LARGE1: variants seen among roughly 807,000 people sequenced by gnomAD.
LARGE1 encodes LARGE xylosyl- and glucuronyltransferase 1, also known as xylosyl- and glucuronyltransferase LARGE1.
In LARGE1, 43 loss-of-function variants were observed where a neutral mutation model predicts 87.6. The observed-to-expected ratio is 0.49, with a 90% CI of 0.38 to 0.63. The LOEUF is 0.63. Among genes scored for constraint, LARGE1 ranks in the 30% least tolerant of loss-of-function variants. LARGE1 has a pLI of 0.00. For synonymous variants in LARGE1, 434 were observed against 394.6 expected (o/e 1.10, Z -1.18); for missense variants, 802 against 1,000.2 (o/e 0.80, Z 2.67).
chr22:33,848,039 C>G (rs372903333), intron 1 of LARGE1, among the ~76,000 whole-genome samples: 26 of 152,322 alleles, frequency 1.7e-4, no homozygotes, highest in African/African-American at 6.3e-4. Flanking sequence ...CATTTTGCTT[C>G]ATGACTAGGA....
At chr22:33,224,068 C>T (rs1168043630) in intron 11 of LARGE1, among the ~76,000 whole-genome samples, 1 of 152,110 alleles carries the variant, frequency 6.6e-6, no homozygotes, top group Admixed American at 6.5e-5. Context: ...CCGAGACTGG[C>T]AGATCAGGAG....
intron 11 of LARGE1, among the ~76,000 whole-genome samples, chr22:33,218,579 C>G (rs922537557): frequency 6.6e-6 from 1 of 152,112 alleles, no homozygotes; most frequent in Non-Finnish European, 1.5e-5. Context: ...CTGTACATGC[C>G]ATGATCTCCT....
intron 7 of LARGE1, among the ~76,000 whole-genome samples, chr22:33,392,661 AAAC>A (rs201121286): frequency 1.1e-4 from 17 of 152,078 alleles, no homozygotes; most frequent in South Asian, 4.2e-4. Flanking sequence ...TCTGTCTTAA[AAAC>A]AACAACAACA....
At chr22:33,421,202 A>C (rs1163640071) in intron 7 of LARGE1, among the ~76,000 whole-genome samples, 8 of 128,204 alleles carry the variant, frequency 6.2e-5, no homozygotes, top group Admixed American at 6.0e-4. Context: ...AAAATAAAAA[A>C]TAAAATAAAA....
At chr22:33,750,339 G>A (rs1904963922) in intron 2 of LARGE1, among the ~76,000 whole-genome samples, 1 of 151,982 alleles carries the variant, frequency 6.6e-6, no homozygotes. Flanking sequence ...CTTTTTTTAG[G>A]GAAAGCCAAA....
intron 1 of LARGE1, among the ~76,000 whole-genome samples, chr22:33,782,484 C>G (rs1191823066): frequency 2.0e-5 from 3 of 152,232 alleles, no homozygotes; most frequent in African/African-American, 7.2e-5. Context: ...TTTAAACACA[C>G]ATTTAAATGT....
intron 7 of LARGE1, 53 bp from the exon 8 acceptor site, chr22:33,384,357 A>G: frequency 7.7e-7 from 1 of 1,299,432 alleles, no homozygotes; most frequent in East Asian, 2.3e-5. Context: ...AAAGATGGAG[A>G]GCTAGGCACA....
At chr22:33,413,542 G>A (rs1166147192) in intron 7 of LARGE1, among the ~76,000 whole-genome samples, 1 of 151,954 alleles carries the variant, frequency 6.6e-6, no homozygotes, top group Non-Finnish European at 1.5e-5. Flanking sequence ...TTGGCTCACT[G>A]CAACCTCTGC....
intron 3 of LARGE1, among the ~76,000 whole-genome samples, chr22:33,638,234 T>C (rs1286065931): frequency 6.6e-6 from 1 of 152,218 alleles, no homozygotes. Context: ...ATTAAAATAC[T>C]GTAAGGTTAG....
At chr22:33,663,483 A>C (rs2081187440) in intron 2 of LARGE1, among the ~76,000 whole-genome samples, 1 of 152,138 alleles carries the variant, frequency 6.6e-6, no homozygotes, top group South Asian at 2.1e-4. Flanking sequence ...GATGCGCTTG[A>C]GTGCAGGAAG....
chr22:33,163,135 A>G (rs575410782), exon 12 of LARGE1: 1 of 152,348 alleles, frequency 6.6e-6, no homozygotes, highest in East Asian at 1.9e-4. Flanking sequence ...ACACTGTACT[A>G]GATGCATCAT....
chr22:33,421,514 T>C (rs1354800509), intron 7 of LARGE1, among the ~76,000 whole-genome samples: 5 of 152,220 alleles, frequency 3.3e-5, no homozygotes, highest in South Asian at 2.1e-4. Context: ...GGATCCCAGG[T>C]TGACCAATAA....
chr22:33,262,085 G>A (rs187207122), intron 11 of LARGE1, among the ~76,000 whole-genome samples: 11 of 152,298 alleles, frequency 7.2e-5, no homozygotes, highest in Middle Eastern at 3.4e-3. Context: ...TCATGTTAGC[G>A]CCTTTGATCT....
chr22:33,380,614 G>C (rs779281917), intron 9 of LARGE1, among the ~76,000 whole-genome samples: 1 of 152,164 alleles, frequency 6.6e-6, no homozygotes. Flanking sequence ...CTTATGATAT[G>C]CAACAAATGA....
At chr22:33,120,411 C>CCTTCT in the LARGE1 span, among the ~76,000 whole-genome samples, 1 of 19,930 alleles carries the variant, frequency 5.0e-5, no homozygotes, top group Non-Finnish European at 1.1e-4. Flanking sequence ...TCTTTCTTTC[C>CCTTCT]TTCTTTCTTT....
chr22:33,264,570 A>G (rs528300839), intron 11 of LARGE1, among the ~76,000 whole-genome samples: 1 of 152,298 alleles, frequency 6.6e-6, no homozygotes, highest in South Asian at 2.1e-4. Flanking sequence ...GAGGCAGGAG[A>G]ATCACCTGAA....
intron 3 of LARGE1, among the ~76,000 whole-genome samples, chr22:33,630,591 A>G (rs1313797225): frequency 6.6e-6 from 1 of 152,144 alleles, no homozygotes; most frequent in South Asian, 2.1e-4. Context: ...AAAATATAAT[A>G]TAAGAGAAAA....
chr22:33,369,744 T>C lies in LARGE1; in HGVS notation c.1131+12175A>G, dbSNP rs546679413. 3.3e-5 allele frequency among the ~76,000 whole-genome samples: 5 copies of C among 152,236 alleles called. No homozygotes were observed. The East Asian group carries it at 7.7e-4, about 24-fold the overall frequency. On this transcript the variant is annotated intron_variant, in intron 9 of 14. Coordinates refer to ENST00000397394, the MANE Select transcript of LARGE1 (RefSeq NM_133642.5). ...TCACCACACCCGGCTAATTTTTATA[T>C]TTTTAGTAGAGACGGGGTTTCACCA...
chr22:33,105,430 G>C, the LARGE1 span: 5 of 151,914 alleles, frequency 3.3e-5, no homozygotes, highest in African/African-American at 1.2e-4. Flanking sequence ...TTCTTACAGC[G>C]GGGCCCACCC....
Sources: gnomAD v4.1 joint callset for allele counts (sites outside exome capture counted in the v4.1 genomes callset) on GRCh38, gnomAD v4.1.1 for gene constraint, MANE v1.5 for transcripts, NCBI Gene and HGNC (gene_info 2026-07-23, HGNC 2026-07-21) for gene names.